Variants in SLC7A10 observed in about 807,000 individuals in gnomAD.
SLC7A10 encodes the protein solute carrier family 7 member 10, also known as asc-type amino acid transporter 1.
Under a neutral mutation model 52.7 loss-of-function variants are expected in SLC7A10, and 30 were observed. That is an observed-to-expected ratio of 0.57 (90% CI 0.43 to 0.77). The LOEUF (loss-of-function observed/expected upper bound fraction) is 0.77, where lower values mean the gene tolerates loss of function less well. Ranked by LOEUF, SLC7A10 falls within the 30% of genes least tolerant of loss-of-function variation. The pLI is 0.00. For synonymous variants in SLC7A10, 318 were observed against 314.9 expected (o/e 1.01, Z -0.10); for missense variants, 581 against 698.5 (o/e 0.83, Z 1.90).
At chr19:33,221,430 T>A (rs67719147) in intron 1 of SLC7A10, among the ~76,000 whole-genome samples, 1 of 152,054 alleles carries the variant, frequency 6.6e-6, no homozygotes, top group Non-Finnish European at 1.5e-5. Context: ...TGCCCAGGAC[T>A]GACAGGTCCC....
intron 7 of SLC7A10, 123 bp from the exon 8 acceptor site, chr19:33,211,021 C>G: frequency 9.6e-7 from 1 of 1,037,672 alleles, no homozygotes; most frequent in South Asian, 1.3e-5. Flanking sequence ...CTGGACAGTT[C>G]TCCCCCTCAT....
At position 33,212,906 on chromosome 19, in the gene SLC7A10, G is replaced by A; in HGVS notation, c.453C>T (p.Phe151=). The A allele has an allele frequency of 6.2e-7, 1 of 1,614,190 alleles. No homozygotes were observed. The highest frequency in any genetic ancestry group is 1.1e-5 in the South Asian group (1 of 91,080). The change falls in exon 3 of 11, where the codon TTC becomes TTT. Residue 151 remains phenylalanine (F), a synonymous_variant. Coordinates refer to ENST00000253188, the MANE Select transcript of SLC7A10 (RefSeq NM_019849.3). ...TFSNYVLQPV[F]PNCIPPTTAS... is the part of the protein sequence containing the mutation. ...CTGTGGTGGGGGGGATGCAGTTGGG[G>A]AACACGGGCTGCAGCACGTAGTTGG...
chr19:33,208,866 AAC>A lies in SLC7A10; in HGVS notation c.*23_*24del. ...CAATAAACAACATGTAAACAGAAAC[AAC>A]TGCTTCAGTCTCTACAAAAATCTCA... On this transcript the variant is annotated 3_prime_UTR_variant, in exon 11 of 11. Transcript: ENST00000253188. This position sits in a 1 kb window ranked among gnomAD's most constrained non-coding sequence, Gnocchi z 4.7. 6.2e-7 allele frequency: 1 copy of A among 1,613,424 alleles called. No individual in the cohort carries two copies. The highest frequency in any genetic ancestry group is 8.5e-7 in the Non-Finnish European group (1 of 1,179,736).
chr19:33,210,461 C>A lies in SLC7A10; in HGVS notation c.1263+6G>T. The A allele has an allele frequency of 1.9e-6, 3 of 1,583,464 alleles. No homozygotes were observed. Among genetic ancestry groups the A allele is most frequent in the Non-Finnish European group, 8.5e-7 (1 of 1,170,932 alleles). On this transcript the variant is annotated splice_donor_region_variant and intron_variant, in intron 9 of 10. Transcript: ENST00000253188. This position sits in a 1 kb window ranked among gnomAD's most constrained non-coding sequence, Gnocchi z 5.6. ...CGGCACAGGGCCAGCTGTCCCAGGGCCTCACCTTGATGGGCCTGTGGAGTG... is the reference window on the plus strand; with the variant it reads ...CGGCACAGGGCCAGCTGTCCCAGGGACTCACCTTGATGGGCCTGTGGAGTG...
Position 33,211,454 on chromosome 19 carries a change from A to G in SLC7A10, c.872T>C (p.Met291Thr). ...GGAGGAGAGCAGCTCCTGGGGGGAC[A>G]TGGCCGTGAAGTAGGCAATGTTGGT... ...TFTNIAYFTA[M>T]SPQELLSSNA... The change falls in exon 6 of 11, where the codon ATG (methionine) becomes ACG (threonine). Residue 291 changes from methionine (M) to threonine (T), a missense_variant. By Grantham distance (81) the Met-to-Thr change is moderately conservative. Coordinates refer to ENST00000253188, the MANE Select transcript of SLC7A10 (RefSeq NM_019849.3). 6.2e-7 allele frequency: 1 copy of G among 1,614,104 alleles called. No individual in the cohort carries two copies. The highest frequency in any genetic ancestry group is 8.5e-7 in the Non-Finnish European group (1 of 1,180,010).
Position 33,215,974 on chromosome 19 carries a change from C to CT in SLC7A10, c.152-2dup, listed in dbSNP as rs1196820422. On this transcript the variant is annotated splice_acceptor_variant, in intron 1 of 10. Transcript: ENST00000253188. LOFTEE classifies it high-confidence loss of function. ...AAGATGCCCGAGCCGATGATGTTCC[C>CT]TGCAGGGGGAGAGATGGGGAGGCAT... 1.3e-6 allele frequency: 2 copies of CT among 1,580,334 alleles called. No homozygotes were observed. Among genetic ancestry groups the CT allele is most frequent in the Non-Finnish European group, 1.7e-6 (2 of 1,156,338 alleles).
intron 1 of SLC7A10, among the ~76,000 whole-genome samples, chr19:33,224,625 G>A (rs572028680): frequency 3.6e-4 from 55 of 152,182 alleles, no homozygotes; most frequent in Admixed American, 2.3e-3. Flanking sequence ...GAGAACAGTC[G>A]AGGCCCCAGT....
chr19:33,211,021 C>T, intron 7 of SLC7A10, 123 bp from the exon 8 acceptor site: 1 of 1,037,672 alleles, frequency 9.6e-7, no homozygotes, highest in Non-Finnish European at 1.5e-6. Context: ...CTGGACAGTT[C>T]TCCCCCTCAT....
intron 2 of SLC7A10, among the ~76,000 whole-genome samples, chr19:33,214,919 G>A (rs1261067396): frequency 6.6e-6 from 1 of 152,178 alleles, no homozygotes; most frequent in African/African-American, 2.4e-5. Context: ...CTCACGGTAG[G>A]TGCTCAGCAA....
intron 2 of SLC7A10, among the ~76,000 whole-genome samples, chr19:33,214,209 C>G (rs1036167119): frequency 6.6e-6 from 1 of 152,204 alleles, no homozygotes; most frequent in Admixed American, 6.5e-5. Flanking sequence ...CCAGAGGAGA[C>G]TGCCACAGAT....
intron 2 of SLC7A10, 138 bp downstream of exon 2, chr19:33,215,631 C>CCCCCACACCTTCTCTCCAGCCAG: frequency 2.3e-6 from 1 of 444,186 alleles, no homozygotes; most frequent in Non-Finnish European, 3.4e-6. Flanking sequence ...TCTCCATCCA[C>CCCCCACACCTTCTCTCCAGCCAG]CCCCCACACC....
intron 1 of SLC7A10, chr19:33,221,176 C>T (rs1386322181): frequency 6.7e-6 from 1 of 150,056 alleles, no homozygotes; most frequent in Admixed American, 6.6e-5. Flanking sequence ...CACTGAACCC[C>T]ACCCCAGATC....
chr19:33,210,555 G>A lies in SLC7A10; in HGVS notation c.1175C>T (p.Ser392Phe), dbSNP rs780916571. ...GCCGTAGCAGAGGTAGTTGATGAAGGACACATAGTTGATGAGCGTGTACGT... is the reference window on the plus strand; with the variant it reads ...GCCGTAGCAGAGGTAGTTGATGAAGAACACATAGTTGATGAGCGTGTACGT... ...GDTYTLINYV[S>F]FINYLCYGVT... The change falls in exon 9 of 11, where the codon TCC becomes TTC. Residue 392 changes from serine (S) to phenylalanine (F), a missense_variant. Transcript: ENST00000253188. The surrounding 1 kb of genome is among the most constrained non-coding windows in gnomAD (Gnocchi z 5.6). 15 of 1,612,238 alleles carry A rather than the reference G, an allele frequency of 9.3e-6. No homozygotes were observed. The South Asian group carries it at 1.6e-4, about 18-fold the overall frequency.
intron 2 of SLC7A10, among the ~76,000 whole-genome samples, 161 bp downstream of exon 2, chr19:33,215,607 GC>G (rs887440893): frequency 9.1e-6 from 1 of 110,402 alleles, no homozygotes; most frequent in African/African-American, 3.7e-5. Flanking sequence ...TCTCCATCCA[GC>G]CCCCACACCT....
At chr19:33,220,841 C>T (rs1974797541) in intron 1 of SLC7A10, 1 of 152,252 alleles carries the variant, frequency 6.6e-6, no homozygotes, top group Non-Finnish European at 1.5e-5. Flanking sequence ...AACCTTGAGT[C>T]ACCCATGGTT....
rs138595244 is a variant in SLC7A10 at position 33,212,304 on chromosome 19, A to G, written c.776T>C (p.Val259Ala). 2.3e-5 allele frequency: 37 copies of G among 1,609,046 alleles called. 1 individual carries two copies. The highest frequency in any genetic ancestry group is 1.6e-4 in the Middle Eastern group (1 of 6,078). Residue 259 changes from valine (V) to alanine (A), a missense_variant, in exon 5 of 11, where the codon GTT becomes GCT. By Grantham distance (64) the Val-to-Ala change is moderately conservative. Coordinates refer to ENST00000253188, the MANE Select transcript of SLC7A10 (RefSeq NM_019849.3). ...GGGCCCCACTCACTTTCGGGCGTCA[A>G]CCATCTCCTCGGTGACATAGTTGAG... ...NFLNYVTEEM[V>A]DARKNLPRAI... is the part of the protein sequence containing the mutation.
At chr19:33,215,023 T>A (rs990525372) in intron 2 of SLC7A10, among the ~76,000 whole-genome samples, 1 of 152,096 alleles carries the variant, frequency 6.6e-6, no homozygotes, top group African/African-American at 2.4e-5. Flanking sequence ...TCCTAGCACT[T>A]GGGAGGCTGA....
At chr19:33,215,685 A>G in intron 2 of SLC7A10, 84 bp downstream of exon 2, 1 of 1,344,798 alleles carries the variant, frequency 7.4e-7, no homozygotes, top group African/African-American at 1.6e-5. Flanking sequence ...AGCCGGAAGC[A>G]GGAGTGGAAA....
chr19:33,208,808 AC>A lies in SLC7A10; in HGVS notation c.*82del, dbSNP rs1197334613. On this transcript the variant is annotated 3_prime_UTR_variant, in exon 11 of 11. Transcript: ENST00000253188. This position sits in a 1 kb window ranked among gnomAD's most constrained non-coding sequence, Gnocchi z 4.7. ...TTTTTTCTTTTTTTTCCAGAAAAAA[AC>A]AAAACAAAACTTTTTTGCCAAAACA... The A allele has an allele frequency of 1.7e-5, 27 of 1,590,308 alleles. No homozygotes were observed. In the African/African-American group the frequency reaches 3.1e-4, roughly 18 times the overall value.
Sources: gnomAD v4.1 joint callset for allele counts (sites outside exome capture counted in the v4.1 genomes callset) on GRCh38, gnomAD v4.1.1 for gene constraint, Gnocchi (gnomAD v3.1) non-coding constraint, MANE v1.5 for transcripts, NCBI Gene and HGNC (gene_info 2026-07-23, HGNC 2026-07-21) for gene names.